RIC3: variants seen among roughly 807,000 people sequenced by gnomAD.
RIC3 encodes the protein protein RIC-3.
RIC3 carries 28 observed loss-of-function variants against 27.3 expected under a neutral mutation model. The ratio of observed to expected loss-of-function variants is 1.02; its 90% CI spans 0.76 to 1.41. The LOEUF is 1.41. Among genes scored for constraint, RIC3 ranks in the 40% most tolerant of loss-of-function variants. The pLI, the probability that RIC3 is intolerant of heterozygous loss-of-function variation, is 0.00. For missense variants in RIC3, 501 were observed against 444.7 expected, an observed-to-expected ratio of 1.13 and a Z score of -1.14; for synonymous variants, 184 against 160.4, an observed-to-expected ratio of 1.15 and a Z score of -1.11.
At chr11:8,101,958 T>C (rs569694928), downstream of RIC3, 84 of 307,744 alleles carry the variant, frequency 2.7e-4, 1 homozygote, top group African/African-American at 1.6e-3. Flanking sequence ...GCAAGAGGCA[T>C]AGAGGGAGAG....
chr11:8,157,206 A>C (rs547120735), intron 1 of RIC3, among the ~76,000 whole-genome samples: 19 of 152,358 alleles, frequency 1.2e-4, no homozygotes, highest in Non-Finnish European at 1.9e-4. Flanking sequence ...ACACTGTCCA[A>C]GCCACTAAAT....
At chr11:8,166,341 A>G (rs1327569167) in intron 1 of RIC3, among the ~76,000 whole-genome samples, 1 of 152,200 alleles carries the variant, frequency 6.6e-6, no homozygotes, top group Non-Finnish European at 1.5e-5. Flanking sequence ...ATGGTACATC[A>G]TAAATATTTG....
chr11:8,149,377 G>A (rs935072294), intron 1 of RIC3, among the ~76,000 whole-genome samples: 1 of 152,116 alleles, frequency 6.6e-6, no homozygotes, highest in Non-Finnish European at 1.5e-5. Context: ...AAATTAGTTT[G>A]GCTCCATTTA....
At chr11:8,128,315 A>G (rs1032983955) in intron 4 of RIC3, 2 of 456,326 alleles carry the variant, frequency 4.4e-6, no homozygotes, top group African/African-American at 4.0e-5. Context: ...AACAGTCTTA[A>G]TTCTGTTTCC....
At chr11:8,131,334 G>T (rs1947674838) in intron 4 of RIC3, among the ~76,000 whole-genome samples, 1 of 152,176 alleles carries the variant, frequency 6.6e-6, no homozygotes, top group Admixed American at 6.5e-5. Context: ...GTCAATCAAG[G>T]ATAACATCTA....
chr11:8,119,708 A>G (rs1946241459), intron 5 of RIC3, among the ~76,000 whole-genome samples: 1 of 152,214 alleles, frequency 6.6e-6, no homozygotes, highest in South Asian at 2.1e-4. Context: ...ATCTAATTAA[A>G]CTAAAGAGCT....
chr11:8,158,709 A>G (rs974152978), intron 1 of RIC3, among the ~76,000 whole-genome samples: 2 of 122,650 alleles, frequency 1.6e-5, no homozygotes, highest in African/African-American at 6.5e-5. Flanking sequence ...CACAAACTCT[A>G]GGAAGCCAGA....
intron 5 of RIC3, among the ~76,000 whole-genome samples, chr11:8,121,161 G>A (rs1006264097): frequency 1.3e-5 from 2 of 152,096 alleles, no homozygotes; most frequent in African/African-American, 4.8e-5. Context: ...ACTTAAAACA[G>A]AAAAGGTTAA....
intron 2 of RIC3, chr11:8,138,819 C>T (rs1354119989): frequency 8.4e-6 from 2 of 236,732 alleles, no homozygotes; most frequent in Non-Finnish European, 1.6e-5. Context: ...CTCAGCATTC[C>T]ACAAGTTAGT....
intron 4 of RIC3, among the ~76,000 whole-genome samples, chr11:8,132,732 AAT>A (rs1185007018): frequency 6.6e-6 from 1 of 152,230 alleles, no homozygotes; most frequent in Non-Finnish European, 1.5e-5. Context: ...GCAGTTATGG[AAT>A]ATTATATAAA....
chr11:8,098,671 C>T, the RIC3 span: 2 of 960,544 alleles, frequency 2.1e-6, no homozygotes, highest in Non-Finnish European at 3.2e-6. Context: ...GAATGTTTTG[C>T]AGGCTCCTCA....
the RIC3 span, among the ~76,000 whole-genome samples, chr11:8,098,005 C>T: frequency 6.6e-6 from 1 of 152,152 alleles, no homozygotes; most frequent in African/African-American, 2.4e-5. Flanking sequence ...TAGAGCCAGA[C>T]TTGGAGATGG....
chr11:8,155,077 C>T (rs1367702442), intron 1 of RIC3, among the ~76,000 whole-genome samples: 4 of 151,806 alleles, frequency 2.6e-5, no homozygotes, highest in South Asian at 2.1e-4. Flanking sequence ...ATAAATCAGC[C>T]GGGTGTGGTG....
chr11:8,111,598 C>T (rs1196355631), intron 5 of RIC3, among the ~76,000 whole-genome samples: 1 of 152,146 alleles, frequency 6.6e-6, no homozygotes, highest in Non-Finnish European at 1.5e-5. Flanking sequence ...TTGAAAAATA[C>T]ACCATGAAGC....
In RIC3 at chr11:8,110,348, G is replaced by A; in HGVS notation, c.*350C>T. 1 of 384,770 alleles carries A rather than the reference G, an allele frequency of 2.6e-6. No homozygotes were observed. Among genetic ancestry groups the A allele is most frequent in the East Asian group, 6.2e-5 (1 of 16,168 alleles). 23.8% of individuals were successfully genotyped at this position (384,770 alleles called of 1,614,324 possible). Reference sequence around the variant, plus strand: ...ATCTGTAAGCTGATGTTCGTTCACAGGTGAACTATCTGTTACACCTACCAG... The same window carrying A: ...ATCTGTAAGCTGATGTTCGTTCACAAGTGAACTATCTGTTACACCTACCAG... On this transcript the variant is annotated 3_prime_UTR_variant, in exon 6 of 6. Transcript: ENST00000309737.
At chr11:8,126,595 A>T (rs1467198210) in intron 5 of RIC3, 64 bp downstream of exon 5, 9 of 1,579,682 alleles carry the variant, frequency 5.7e-6, no homozygotes, top group East Asian at 2.2e-5. Context: ...CTGATTTTTT[A>T]AAAATCTGTA....
intron 5 of RIC3, among the ~76,000 whole-genome samples, chr11:8,117,292 T>C (rs1020703395): frequency 2.0e-5 from 3 of 152,194 alleles, no homozygotes; most frequent in African/African-American, 7.2e-5. Flanking sequence ...CTTGAACTCC[T>C]AGGCTCAAGC....
the RIC3 span, chr11:8,100,389 A>G: frequency 6.2e-6 from 5 of 808,284 alleles, no homozygotes; most frequent in Non-Finnish European, 1.0e-5. Context: ...TGTGTGTTAG[A>G]CTTCGGAGTG....
intron 1 of RIC3, among the ~76,000 whole-genome samples, chr11:8,147,151 T>C (rs1206171858): frequency 6.6e-6 from 1 of 152,176 alleles, no homozygotes; most frequent in Non-Finnish European, 1.5e-5. Flanking sequence ...CTTCACCACT[T>C]TGAGTCTTCC....
Sources: gnomAD v4.1 joint callset for allele counts (sites outside exome capture counted in the v4.1 genomes callset) on GRCh38, gnomAD v4.1.1 for gene constraint, MANE v1.5 for transcripts, NCBI Gene and HGNC (gene_info 2026-07-23, HGNC 2026-07-21) for gene names.